The following PHF24 variants were observed in gnomAD, a reference collection of about 807,000 sequenced individuals.
PHF24 encodes the protein PHD finger protein 24.
PHF24 carries 25 observed loss-of-function variants against 42.6 expected under a neutral mutation model. The observed-to-expected ratio is 0.59, with a 90% CI of 0.43 to 0.82. PHF24 has a LOEUF of 0.82. PHF24 is among the 40% of genes least tolerant of loss of function. The pLI is 0.00. For synonymous variants in PHF24, 185 were observed against 204.8 expected (o/e 0.90, Z 0.83); for missense variants, 470 against 538.1 (o/e 0.87, Z 1.25).
At chr9:34,761,851 C>G in the PHF24 span, among the ~76,000 whole-genome samples, 1 of 152,204 alleles carries the variant, frequency 6.6e-6, no homozygotes, top group Non-Finnish European at 1.5e-5. Context: ...CCCCACTCCC[C>G]CTACCCCACA....
chr9:34,837,218 A>G, the PHF24 span: 1 of 438,162 alleles, frequency 2.3e-6, no homozygotes, highest in African/African-American at 2.1e-5. Context: ...GACTCTCAGC[A>G]AGAAGACACT....
the PHF24 span, among the ~76,000 whole-genome samples, chr9:34,859,895 G>T: frequency 4.0e-5 from 6 of 150,990 alleles, no homozygotes; most frequent in Non-Finnish European, 5.9e-5. Context: ...TTCAAGTGTT[G>T]TTTTTTTTTA....
At chr9:34,958,287 C>T (rs1312572864), upstream of PHF24, 7 of 152,882 alleles carry the variant, frequency 4.6e-5, no homozygotes, top group African/African-American at 1.7e-4. This position sits in a 1 kb window ranked among gnomAD's most constrained non-coding sequence, Gnocchi z 4.5. Context: ...CCCGCGCCGC[C>T]TGCTGCCGGC....
the PHF24 span, chr9:34,727,124 G>T: frequency 1.4e-6 from 2 of 1,415,024 alleles, no homozygotes; most frequent in Middle Eastern, 1.9e-4. Context: ...CTACCTGTCT[G>T]CTTTCCTTGC....
the PHF24 span, among the ~76,000 whole-genome samples, chr9:34,681,532 C>T: frequency 0.041 from 6,156 of 151,628 alleles, no homozygotes; most frequent in South Asian, 0.063. Flanking sequence ...TAAATGAGGC[C>T]GGGTGTGGTG....
chr9:34,730,257 A>G, the PHF24 span, among the ~76,000 whole-genome samples: 3 of 152,108 alleles, frequency 2.0e-5, no homozygotes, highest in Non-Finnish European at 4.4e-5. Flanking sequence ...GTAAATTTTT[A>G]GGCAGGGCAT....
the PHF24 span, among the ~76,000 whole-genome samples, chr9:34,807,017 T>A: frequency 6.6e-6 from 1 of 152,228 alleles, no homozygotes; most frequent in Non-Finnish European, 1.5e-5. Context: ...TCCTTTCTCA[T>A]TTGGATGTTT....
the PHF24 span, among the ~76,000 whole-genome samples, chr9:34,700,181 C>G: frequency 6.6e-6 from 1 of 152,172 alleles, no homozygotes; most frequent in Non-Finnish European, 1.5e-5. Flanking sequence ...CCAGATAACA[C>G]AGGGTTTTGT....
chr9:34,683,774 T>G, the PHF24 span, among the ~76,000 whole-genome samples: 1 of 152,356 alleles, frequency 6.6e-6, no homozygotes, highest in South Asian at 2.1e-4. Context: ...AAGAATGAGT[T>G]CTGGGTGGGT....
chr9:34,738,651 T>A, the PHF24 span, among the ~76,000 whole-genome samples: 1 of 152,200 alleles, frequency 6.6e-6, no homozygotes, highest in African/African-American at 2.4e-5. Context: ...CTGCCTAGAC[T>A]TCTTTACATC....
chr9:34,672,168 T>C, the PHF24 span, among the ~76,000 whole-genome samples: 1 of 152,220 alleles, frequency 6.6e-6, no homozygotes, highest in Non-Finnish European at 1.5e-5. Flanking sequence ...TTGTGGTTCC[T>C]GTAGGAAACT....
At chr9:34,744,353 G>A in the PHF24 span, among the ~76,000 whole-genome samples, 2 of 152,188 alleles carry the variant, frequency 1.3e-5, no homozygotes, top group Admixed American at 6.6e-5. Context: ...AAGATGTAAT[G>A]CACAAAAATC....
chr9:34,885,029 G>T, the PHF24 span, among the ~76,000 whole-genome samples: 1 of 152,206 alleles, frequency 6.6e-6, no homozygotes, highest in East Asian at 1.9e-4. Context: ...ACTTCATGCT[G>T]CTGTGACCCT....
the PHF24 span, among the ~76,000 whole-genome samples, chr9:34,904,706 C>G: frequency 6.7e-6 from 1 of 148,436 alleles, no homozygotes; most frequent in African/African-American, 2.5e-5. Flanking sequence ...ATGTCCTTTC[C>G]TGGTTTTGGT....
chr9:34,832,571 T>C, the PHF24 span: 1 of 1,543,202 alleles, frequency 6.5e-7, no homozygotes, highest in Non-Finnish European at 8.7e-7. Context: ...CTTTTCTGGT[T>C]TTGGCCACCT....
At chr9:34,761,861 A>G in the PHF24 span, among the ~76,000 whole-genome samples, 2 of 151,962 alleles carry the variant, frequency 1.3e-5, no homozygotes, top group African/African-American at 4.8e-5. Flanking sequence ...CCTACCCCAC[A>G]ACAGTCCTCA....
the PHF24 span, among the ~76,000 whole-genome samples, chr9:34,872,346 T>TCCCTCCC: frequency 9.3e-6 from 1 of 106,966 alleles, no homozygotes; most frequent in African/African-American, 3.5e-5. Context: ...CCCAATGCTA[T>TCCCTCCC]CCCTCCCCCC....
the PHF24 span, among the ~76,000 whole-genome samples, chr9:34,721,070 A>C: frequency 6.6e-6 from 1 of 152,120 alleles, no homozygotes; most frequent in Non-Finnish European, 1.5e-5. Context: ...CTAATCCATG[A>C]AGTCCTCCCT....
At chr9:34,762,536 A>G in the PHF24 span, among the ~76,000 whole-genome samples, 2 of 143,304 alleles carry the variant, frequency 1.4e-5, no homozygotes, top group African/African-American at 5.3e-5. Context: ...CCACTTTTTG[A>G]TGGGGTTGTT....
Sources: gnomAD v4.1 joint callset for allele counts (sites outside exome capture counted in the v4.1 genomes callset) on GRCh38, gnomAD v4.1.1 for gene constraint, Gnocchi (gnomAD v3.1) non-coding constraint, MANE v1.5 for transcripts, NCBI Gene and HGNC (gene_info 2026-07-23, HGNC 2026-07-21) for gene names.